The following SFI1 variants were observed in gnomAD, a reference collection of about 807,000 sequenced individuals.
The protein encoded by SFI1 is SFI1 centrin binding protein, also known as protein SFI1 homolog.
SFI1 carries 195 observed loss-of-function variants against 207.5 expected under a neutral mutation model. The observed-to-expected ratio is 0.94, with a 90% CI of 0.84 to 1.06. SFI1 has a LOEUF of 1.06. Among genes scored for constraint, SFI1 ranks in the 50% least tolerant of loss-of-function variants. The pLI, the probability that SFI1 is intolerant of heterozygous loss-of-function variation, is 0.00. For synonymous variants in SFI1, 630 were observed against 598.9 expected (o/e 1.05, Z -0.76); for missense variants, 1,634 against 1,588.0 (o/e 1.03, Z -0.49).
Position 31,607,079 on chromosome 22 carries a change from G to GAAAAA in SFI1, c.2157+651_2157+655dup, listed in dbSNP as rs200058132. Among the ~76,000 whole-genome samples the GAAAAA allele has an allele frequency of 2.0e-5, 3 of 151,708 alleles. No homozygotes were observed. The South Asian group carries it at 6.2e-4, about 31-fold the overall frequency. On this transcript the variant is annotated intron_variant, in intron 21 of 32. Transcript: ENST00000400288. The stretch of plus-strand genomic sequence containing the variant: ...TTGTCTCAAAAAAAAGAAAAGAAAA[G>GAAAAA]AAAAAATACCCGAAGCTAGCCTGTG...
chr22:31,617,122 G>A (rs1192998121), intron 31 of SFI1, 44 bp downstream of exon 31: 7 of 1,604,582 alleles, frequency 4.4e-6, no homozygotes, highest in East Asian at 4.5e-5. Context: ...ACAGGAGCAG[G>A]TGTTGCCTGG....
chr22:31,615,375 A>G, intron 29 of SFI1, 96 bp downstream of exon 29: 1 of 1,188,036 alleles, frequency 8.4e-7, no homozygotes, highest in Non-Finnish European at 1.1e-6. Context: ...TTTCTGGAAA[A>G]CCTTGGCACA....
At chr22:31,514,521 A>T (rs1601953195) in intron 2 of SFI1, among the ~76,000 whole-genome samples, 3 of 150,898 alleles carry the variant, frequency 2.0e-5, no homozygotes, top group South Asian at 4.2e-4. Flanking sequence ...AAAAAAAAAA[A>T]AAAAAAAAAA....
At chr22:31,546,087 G>T (rs1222337444) in intron 4 of SFI1, among the ~76,000 whole-genome samples, 1 of 151,052 alleles carries the variant, frequency 6.6e-6, no homozygotes. Flanking sequence ...TAGAGATTGG[G>T]TTCCACCATG....
At chr22:31,612,232 C>G in intron 24 of SFI1, 1 of 279,294 alleles carries the variant, frequency 3.6e-6, no homozygotes, top group South Asian at 1.3e-4. Flanking sequence ...CAAAAAAAAT[C>G]AGCCAGGCGT....
chr22:31,509,900 G>A (rs769956349), intron 2 of SFI1, among the ~76,000 whole-genome samples: 2 of 151,926 alleles, frequency 1.3e-5, no homozygotes, highest in Non-Finnish European at 2.9e-5. Context: ...AGTTTATGGA[G>A]CATTGTTTTG....
At chr22:31,579,890 TA>T (rs2063911479) in intron 11 of SFI1, among the ~76,000 whole-genome samples, 2 of 152,142 alleles carry the variant, frequency 1.3e-5, no homozygotes, top group Admixed American at 6.5e-5. Context: ...GCCCACATGG[TA>T]AAAAAACAAA....
In SFI1 at chr22:31,618,150, GGCTGGA is replaced by G; in HGVS notation, c.3553_3558del (p.Glu1185_Leu1186del). The stretch of plus-strand genomic sequence containing the variant: ...CGGCAAGCGAGCAGCCTGCGCAGGT[GGCTGGA>G]GCTGAACAGAGAGGAGCCGGGGCCT... On this transcript the variant is annotated inframe_deletion, in exon 32 of 33. Coordinates refer to ENST00000400288, the MANE Select transcript of SFI1 (RefSeq NM_001007467.3). The G allele has an allele frequency of 6.3e-7, 1 of 1,588,568 alleles. No homozygotes were observed. The highest frequency in any genetic ancestry group is 2.3e-5 in the East Asian group (1 of 44,042).
chr22:31,601,592 A>G (rs1200573643), intron 15 of SFI1, among the ~76,000 whole-genome samples: 1 of 152,198 alleles, frequency 6.6e-6, no homozygotes. Context: ...ACAATCCTTT[A>G]TCAGTGCTGT....
chr22:31,597,063 G>A (rs991304653), intron 15 of SFI1, among the ~76,000 whole-genome samples: 6 of 151,140 alleles, frequency 4.0e-5, no homozygotes, highest in East Asian at 2.0e-4. Flanking sequence ...CACAGTACCC[G>A]TTTCCAAATG....
intron 24 of SFI1, chr22:31,612,078 TA>T: frequency 8.1e-7 from 1 of 1,240,086 alleles, no homozygotes; most frequent in Non-Finnish European, 1.0e-6. Flanking sequence ...AGTGTTGTAT[TA>T]AAAAATACAT....
intron 4 of SFI1, among the ~76,000 whole-genome samples, chr22:31,532,211 C>G (rs1188363521): frequency 1.3e-5 from 2 of 152,168 alleles, no homozygotes; most frequent in African/African-American, 2.4e-5. Flanking sequence ...TTGGCTTGAT[C>G]AAGTGCAGAA....
At chr22:31,545,876 G>GC (rs2060035316) in intron 4 of SFI1, among the ~76,000 whole-genome samples, 2 of 129,990 alleles carry the variant, frequency 1.5e-5, no homozygotes, top group South Asian at 5.1e-4. Flanking sequence ...ACCGTGTCCA[G>GC]CTTTTTTTTT....
chr22:31,613,737 C>T lies in SFI1; in HGVS notation c.2878C>T (p.Leu960Phe). The change falls in exon 27 of 33, where the codon CTC becomes TTC. Residue 960 changes from leucine to phenylalanine, a missense_variant. Physicochemically the swap from Leu to Phe is conservative, Grantham distance 22 (BLOSUM62 0). Coordinates refer to ENST00000400288, the MANE Select transcript of SFI1 (RefSeq NM_001007467.3). Reference protein sequence around the residue: ...SRKVTFEGPLLNRIAAGAGDG... With the variant: ...SRKVTFEGPLFNRIAAGAGDG... ...GAAAGTGACGTTTGAGGGTCCCCTT[C>T]TCAACCGCATTGCTGCTGGGGCTGG... 6.2e-7 allele frequency: 1 copy of T among 1,613,336 alleles called. No individual in the cohort carries two copies. Among genetic ancestry groups the T allele is most frequent in the Non-Finnish European group, 8.5e-7 (1 of 1,179,952 alleles).
chr22:31,502,717 T>TC (rs1287279309), intron 1 of SFI1, among the ~76,000 whole-genome samples: 1 of 152,190 alleles, frequency 6.6e-6, no homozygotes, highest in African/African-American at 2.4e-5. Flanking sequence ...TGGTAGCACT[T>TC]CATCAGTGCT....
At chr22:31,517,779 A>C (rs1176557887) in intron 2 of SFI1, among the ~76,000 whole-genome samples, 1 of 152,034 alleles carries the variant, frequency 6.6e-6, no homozygotes, top group Non-Finnish European at 1.5e-5. Context: ...TTGGCTATGT[A>C]CCTTGTTCCT....
At chr22:31,566,281 A>G (rs1416932231) in intron 8 of SFI1, among the ~76,000 whole-genome samples, 1 of 151,970 alleles carries the variant, frequency 6.6e-6, no homozygotes, top group Non-Finnish European at 1.5e-5. Context: ...TTTAGTAGAG[A>G]TGGGGTTTCA....
intron 4 of SFI1, among the ~76,000 whole-genome samples, chr22:31,544,443 T>G (rs992594195): frequency 6.6e-6 from 1 of 152,294 alleles, no homozygotes; most frequent in East Asian, 1.9e-4. Context: ...TTTTTCATTC[T>G]GGTGAATGAA....
chr22:31,502,178 G>C (rs1273841416), intron 1 of SFI1, among the ~76,000 whole-genome samples: 2 of 152,104 alleles, frequency 1.3e-5, no homozygotes, highest in Non-Finnish European at 2.9e-5. Flanking sequence ...TCTTTATTTA[G>C]AAGTTTGGTG....
Sources: allele counts gnomAD v4.1 joint callset (sites outside exome capture counted in the v4.1 genomes callset), GRCh38; gene constraint gnomAD v4.1.1; transcripts MANE v1.5; gene names NCBI Gene and HGNC (gene_info 2026-07-23, HGNC 2026-07-21).